KNG1: variants seen among roughly 807,000 people sequenced by gnomAD.
KNG1 encodes the protein kininogen 1.
KNG1 carries 23 observed loss-of-function variants against 47.8 expected under a neutral mutation model. The ratio of observed to expected loss-of-function variants is 0.48; its 90% CI spans 0.35 to 0.68. KNG1 has a LOEUF of 0.68. Among genes scored for constraint, KNG1 ranks in the 30% least tolerant of loss-of-function variants. The pLI is 0.01. For missense variants in KNG1, 762 were observed against 790.2 expected, an observed-to-expected ratio of 0.96 and a Z score of 0.43; for synonymous variants, 277 against 277.0, an observed-to-expected ratio of 1.00 and a Z score of 0.00.
chr3:186,722,526 C>A lies in KNG1; in HGVS notation c.391+5C>A. The stretch of plus-strand genomic sequence containing the variant: ...AGACCTGCCAGATTACTCCAGGTGG[C>A]TGGTTTATCCTCTGGCACTGCCCTG... On this transcript the variant is annotated splice_donor_5th_base_variant and intron_variant, in intron 3 of 9. Coordinates refer to ENST00000644859, the MANE Select transcript of KNG1 (RefSeq NM_001102416.3). The A allele has an allele frequency of 6.2e-7, 1 of 1,605,632 alleles. No homozygotes were observed. Among genetic ancestry groups the A allele is most frequent in the Non-Finnish European group, 8.5e-7 (1 of 1,172,944 alleles).
intron 5 of KNG1, among the ~76,000 whole-genome samples, chr3:186,731,144 T>TTGTCTCA (rs1347213037): frequency 1.3e-5 from 2 of 152,236 alleles, no homozygotes; most frequent in African/African-American, 4.8e-5. Context: ...ACGTTTATAT[T>TTGTCTCA]TGTCTCACGT....
At chr3:186,717,831 C>T (rs1720030333) in intron 1 of KNG1, 94 bp downstream of exon 1, 2 of 795,742 alleles carry the variant, frequency 2.5e-6, no homozygotes, top group East Asian at 5.4e-5. Flanking sequence ...CCACCACCAG[C>T]ACCCACCACC....
chr3:186,723,487 T>C (rs1720263958), intron 3 of KNG1, among the ~76,000 whole-genome samples: 1 of 152,176 alleles, frequency 6.6e-6, no homozygotes, highest in African/African-American at 2.4e-5. Flanking sequence ...ATGTGATGGT[T>C]TTAGCTTCCA....
At chr3:186,727,983 A>G (rs144762735) in intron 5 of KNG1, among the ~76,000 whole-genome samples, 68 of 152,268 alleles carry the variant, frequency 4.5e-4, no homozygotes, top group African/African-American at 1.5e-3. Flanking sequence ...TTTCTTCCCC[A>G]GGTGCTCAAT....
In KNG1 at chr3:186,717,734, G is replaced by C. The variant is rs771337914; in HGVS notation, c.192G>C (p.Lys64Asn). Reference sequence around the variant, plus strand: ...TGTACCGCATAACTGAAGCCACTAAGACGGTGAGTGAATTGTGTTTAACCT... The same window carrying C: ...TGTACCGCATAACTGAAGCCACTAACACGGTGAGTGAATTGTGTTTAACCT... Reference protein sequence around the residue: ...FVLYRITEATKTVGSDTFYSF... With the variant: ...FVLYRITEATNTVGSDTFYSF... Residue 64 changes from lysine (K) to asparagine (N), a missense_variant, in exon 1 of 10, where the codon AAG (lysine) becomes AAC (asparagine). Transcript: ENST00000644859. The C allele has an allele frequency of 2.5e-6, 4 of 1,610,888 alleles. No homozygotes were observed. The Admixed American group carries it at 6.7e-5, about 27-fold the overall frequency.
chr3:186,720,510 A>G, intron 2 of KNG1: 3 of 356,322 alleles, frequency 8.4e-6, no homozygotes, highest in South Asian at 2.7e-5. Flanking sequence ...ATTTGGGCCA[A>G]GCCAAAGAGC....
chr3:186,724,157 A>G (rs866584133), intron 3 of KNG1, among the ~76,000 whole-genome samples: 2 of 152,164 alleles, frequency 1.3e-5, no homozygotes, highest in Non-Finnish European at 1.5e-5. Context: ...GAATCTCCGC[A>G]CTATTTTCCA....
Position 186,742,532 on chromosome 3 carries a change from T to A in KNG1, c.*201T>A. The A allele has an allele frequency of 7.1e-7, 1 of 1,409,788 alleles. No homozygotes were observed. The highest frequency in any genetic ancestry group is 9.2e-7 in the Non-Finnish European group (1 of 1,086,922). 87.3% of individuals were successfully genotyped at this position (1,409,788 alleles called of 1,614,324 possible). On this transcript the variant is annotated 3_prime_UTR_variant, in exon 10 of 10. Transcript: ENST00000644859. ...TAAAATTGTGTGCCACAATTCTAAC[T>A]CTTTTCTGAATCTTCTTCCCAAGTT...
intron 2 of KNG1, chr3:186,721,485 A>T (rs1320007867): frequency 6.6e-6 from 1 of 152,286 alleles, no homozygotes; most frequent in African/African-American, 2.4e-5. Flanking sequence ...GCTGCCTATT[A>T]TTAAGTGCCT....
chr3:186,719,601 C>T (rs1015354870), intron 1 of KNG1, among the ~76,000 whole-genome samples: 7 of 151,964 alleles, frequency 4.6e-5, no homozygotes, highest in African/African-American at 7.3e-5. Context: ...TGGTGGAGGG[C>T]GCCTGTAGTC....
intron 4 of KNG1, among the ~76,000 whole-genome samples, chr3:186,726,274 C>CTTTTT (rs774226752): frequency 2.6e-5 from 3 of 113,730 alleles, no homozygotes; most frequent in Admixed American, 9.5e-5. Flanking sequence ...GACTTTTCTT[C>CTTTTT]TTTTTTTTTT....
chr3:186,729,217 T>C (rs886962898), intron 5 of KNG1, among the ~76,000 whole-genome samples: 15 of 152,212 alleles, frequency 9.9e-5, no homozygotes, highest in Admixed American at 9.8e-4. Context: ...TTTTGTACAT[T>C]GCTGGTAGGA....
At chr3:186,730,281 T>C (rs150888916) in intron 5 of KNG1, among the ~76,000 whole-genome samples, 1 of 152,270 alleles carries the variant, frequency 6.6e-6, no homozygotes, top group African/African-American at 2.4e-5. Flanking sequence ...TTTTTGGTGC[T>C]GAGGTGAAAG....
chr3:186,720,851 G>A (rs1008580860), intron 2 of KNG1, among the ~76,000 whole-genome samples: 2 of 143,734 alleles, frequency 1.4e-5, no homozygotes, highest in South Asian at 2.2e-4. Context: ...GTGCAGTGGC[G>A]CGATCTCGGC....
intron 5 of KNG1, chr3:186,728,552 G>A (rs924307987): frequency 1.3e-5 from 2 of 152,042 alleles, no homozygotes; most frequent in Middle Eastern, 3.2e-3. Flanking sequence ...CTATACATAC[G>A]GATTTATTTA....
chr3:186,727,372 G>A (rs1178050627), intron 5 of KNG1, 28 bp downstream of exon 5: 2 of 1,365,390 alleles, frequency 1.5e-6, no homozygotes, highest in South Asian at 1.2e-5. Context: ...TAATGATAAA[G>A]TTCTTAGCAT....
chr3:186,729,173 A>G (rs1720447594), intron 5 of KNG1, among the ~76,000 whole-genome samples: 1 of 152,240 alleles, frequency 6.6e-6, no homozygotes, highest in African/African-American at 2.4e-5. Flanking sequence ...TCATAAAATA[A>G]CAAGTATTAG....
rs777023083 is a variant in KNG1, at chr3:186,727,247, G to C, written c.575G>C (p.Gly192Ala). 4 of 1,610,950 alleles carry C rather than the reference G, an allele frequency of 2.5e-6. No homozygotes were observed. The South Asian group carries it at 3.3e-5, about 13-fold the overall frequency. Residue 192 changes from glycine (G) to alanine (A), a missense_variant, in exon 5 of 10, where the codon GGA becomes GCA. By Grantham distance (60) the Gly-to-Ala change is moderately conservative. Coordinates refer to ENST00000644859, the MANE Select transcript of KNG1 (RefSeq NM_001102416.3). ...CTGAAATTGTTTCAGGTGGTGGCTG[G>C]ATTGAACTTTCGAATTACCTACTCA... Reference protein sequence around the residue: ...VKRAQRQVVAGLNFRITYSIV... With the variant: ...VKRAQRQVVAALNFRITYSIV...
chr3:186,741,307 A>G (rs1441023250), intron 9 of KNG1, among the ~76,000 whole-genome samples: 1 of 152,132 alleles, frequency 6.6e-6, no homozygotes, highest in Non-Finnish European at 1.5e-5. Context: ...TTATGGTATT[A>G]TTAACAACAA....
Sources: gnomAD v4.1 joint callset for allele counts (sites outside exome capture counted in the v4.1 genomes callset) on GRCh38, gnomAD v4.1.1 for gene constraint, MANE v1.5 for transcripts, NCBI Gene and HGNC (gene_info 2026-07-23, HGNC 2026-07-21) for gene names.